METTL15: variants seen among roughly 807,000 people sequenced by gnomAD.
METTL15 encodes the protein methyltransferase 15, mitochondrial 12S rRNA N4-cytidine.
Under a neutral mutation model 38.3 loss-of-function variants are expected in METTL15, and 34 were observed. That is an observed-to-expected ratio of 0.89 (90% CI 0.68 to 1.18). The LOEUF is 1.18. Among genes scored for constraint, METTL15 ranks in the 50% most tolerant of loss-of-function variants. The pLI is 0.00. For missense variants in METTL15, 438 were observed against 498.4 expected (o/e 0.88, Z 1.15); for synonymous variants, 162 against 170.9 (o/e 0.95, Z 0.41).
At chr11:28,281,926 A>G (rs1222080847) in intron 4 of METTL15, among the ~76,000 whole-genome samples, 2 of 152,202 alleles carry the variant, frequency 1.3e-5, no homozygotes, top group East Asian at 3.9e-4. Context: ...AATAAATTTT[A>G]AAAGGGTTAC....
At position 28,524,745 on chromosome 11, in the gene METTL15, G is replaced by A. The variant is rs994014320; in HGVS notation, c.*425-1733G>A. Among the ~76,000 whole-genome samples the A allele has an allele frequency of 9.2e-5, 14 of 152,320 alleles. 1 individual carries two copies. Among genetic ancestry groups the A allele is most frequent in the Admixed American group, 7.2e-4 (11 of 15,308 alleles). ...TATATTTGAGATACAGTAAATTGAA[G>A]GGAGCCTAATGAGAGATAAGGATTT... On this transcript the variant is annotated intron_variant and NMD_transcript_variant, in intron 6 of 7. Coordinates refer to the METTL15 transcript ENST00000532947.
chr11:28,108,783 C>G (rs954448821), intron 1 of METTL15, among the ~76,000 whole-genome samples: 1 of 152,070 alleles, frequency 6.6e-6, no homozygotes, highest in African/African-American at 2.4e-5. Flanking sequence ...GATGGCATAA[C>G]AAAATAAATT....
chr11:28,430,887 G>A (rs1178447315), intron 6 of METTL15, among the ~76,000 whole-genome samples: 7 of 108,004 alleles, frequency 6.5e-5, no homozygotes, highest in African/African-American at 1.0e-4. Context: ...CAGCCGCCCC[G>A]TCCGGGAGGG....
At chr11:28,210,065 T>G (rs992575635) in intron 3 of METTL15, among the ~76,000 whole-genome samples, 1 of 151,984 alleles carries the variant, frequency 6.6e-6, no homozygotes, top group African/African-American at 2.4e-5. Context: ...TCAACTAACT[T>G]GTACACACAT....
intron 3 of METTL15, among the ~76,000 whole-genome samples, chr11:28,116,570 T>C (rs1481823432): frequency 6.6e-6 from 1 of 152,202 alleles, no homozygotes; most frequent in Non-Finnish European, 1.5e-5. Flanking sequence ...AACTTTTTCA[T>C]GTTGGATCAG....
intron 3 of METTL15, among the ~76,000 whole-genome samples, chr11:28,157,581 A>C (rs899635940): frequency 1.3e-5 from 2 of 152,128 alleles, no homozygotes; most frequent in Non-Finnish European, 2.9e-5. Flanking sequence ...ACATTTGACT[A>C]TATGTCATCA....
chr11:28,290,494 A>G (rs2133989131), intron 5 of METTL15, 97 bp downstream of exon 5: 2 of 1,090,180 alleles, frequency 1.8e-6, no homozygotes, highest in South Asian at 1.5e-5. Flanking sequence ...TTTCCATTAC[A>G]TGCCTACACC....
chr11:28,352,429 G>T (rs990743238), intron 4 of METTL15, among the ~76,000 whole-genome samples: 2 of 152,110 alleles, frequency 1.3e-5, no homozygotes, highest in Admixed American at 6.6e-5. Flanking sequence ...AAATATTTGT[G>T]GACCTGAATA....
chr11:28,453,520 A>G (rs1046078745), intron 6 of METTL15, among the ~76,000 whole-genome samples: 1 of 152,226 alleles, frequency 6.6e-6, no homozygotes, highest in Non-Finnish European at 1.5e-5. Context: ...TGATAGCACT[A>G]ATCTGTAACT....
chr11:28,275,035 A>T (rs951816451), intron 4 of METTL15, among the ~76,000 whole-genome samples: 1 of 151,736 alleles, frequency 6.6e-6, no homozygotes, highest in Non-Finnish European at 1.5e-5. Context: ...TTACAAACTG[A>T]CAATCTAGTA....
At chr11:28,393,681 G>A (rs1338473640) in intron 5 of METTL15, among the ~76,000 whole-genome samples, 1 of 151,996 alleles carries the variant, frequency 6.6e-6, no homozygotes, top group East Asian at 1.9e-4. Context: ...CAGAGACCAA[G>A]GCAGAAGCCA....
rs149676096 is a variant in METTL15, at chr11:28,513,164, T to C, written c.*425-13314T>C. 4.0e-3 allele frequency among the ~76,000 whole-genome samples: 605 copies of C among 152,286 alleles called. 6 individuals are homozygous for C. Among genetic ancestry groups the C allele is most frequent in the African/African-American group, 0.014 (564 of 41,564 alleles). On this transcript the variant is annotated intron_variant and NMD_transcript_variant, in intron 6 of 7. Transcript: ENST00000532947. Reference sequence around the variant, plus strand: ...GTAGGTTCCATACTCGCAGTAAACATTGCATGTCAAGAGAGCAGAACAGAG... The same window carrying C: ...GTAGGTTCCATACTCGCAGTAAACACTGCATGTCAAGAGAGCAGAACAGAG...
intron 3 of METTL15, among the ~76,000 whole-genome samples, chr11:28,195,630 T>A (rs1388994299): frequency 6.6e-6 from 1 of 152,148 alleles, no homozygotes; most frequent in Non-Finnish European, 1.5e-5. Context: ...GTTGCATAGT[T>A]TGCACATATT....
intron 6 of METTL15, among the ~76,000 whole-genome samples, chr11:28,479,792 G>A (rs1420594177): frequency 6.6e-6 from 1 of 152,134 alleles, no homozygotes; most frequent in South Asian, 2.1e-4. Flanking sequence ...ATATAAATAT[G>A]TACATGTTTA....
At chr11:28,298,006 T>C (rs902643100) in intron 6 of METTL15, among the ~76,000 whole-genome samples, 1 of 152,070 alleles carries the variant, frequency 6.6e-6, no homozygotes, top group Non-Finnish European at 1.5e-5. Context: ...TACTTAGTTA[T>C]TATAATGAAA....
downstream of METTL15, among the ~76,000 whole-genome samples, chr11:28,337,906 T>C (rs187612710): frequency 2.1e-4 from 32 of 152,232 alleles, no homozygotes; most frequent in Non-Finnish European, 2.5e-4. Context: ...TCAATGCCTG[T>C]ACTTACAATT....
intron 3 of METTL15, among the ~76,000 whole-genome samples, chr11:28,174,096 A>G (rs1251030644): frequency 6.6e-6 from 1 of 152,192 alleles, no homozygotes; most frequent in African/African-American, 2.4e-5. Flanking sequence ...CACAGTGCAT[A>G]CTTAAGGAGT....
intron 5 of METTL15, among the ~76,000 whole-genome samples, chr11:28,415,237 C>T (rs956587814): frequency 5.9e-5 from 9 of 151,980 alleles, no homozygotes; most frequent in East Asian, 5.8e-4. Context: ...ATGGAATTGG[C>T]GAATGGAAAC....
At chr11:28,287,468 C>G in intron 4 of METTL15, 1 of 415,476 alleles carries the variant, frequency 2.4e-6, no homozygotes, top group Non-Finnish European at 4.7e-6. Flanking sequence ...ATGTGATCAT[C>G]AGTGATTTCA....
Sources: allele counts gnomAD v4.1 joint callset (sites outside exome capture counted in the v4.1 genomes callset), GRCh38; gene constraint gnomAD v4.1.1; transcripts MANE v1.5; gene names NCBI Gene and HGNC (gene_info 2026-07-23, HGNC 2026-07-21).